The following LAMC3 variants were observed in gnomAD, a reference collection of about 807,000 sequenced individuals.
The protein encoded by LAMC3 is laminin subunit gamma 3.
In LAMC3, 128 loss-of-function variants were observed where a neutral mutation model predicts 173.8. The ratio of observed to expected loss-of-function variants is 0.74; its 90% confidence interval spans 0.64 to 0.85. The LOEUF (loss-of-function observed/expected upper bound fraction) is 0.85, where lower values mean the gene tolerates loss of function less well. Ranked by LOEUF, LAMC3 falls within the 40% of genes least tolerant of loss-of-function variation. The probability of loss-of-function intolerance (pLI) is 0.00; values close to 1 mark genes in which losing one functional copy is unlikely to be tolerated. For synonymous variants in LAMC3, 897 were observed against 909.1 expected (o/e 0.99, Z 0.24); for missense variants, 2,022 against 2,156.0 (o/e 0.94, Z 1.23).
rs1044598253 is a variant in LAMC3, at chr9:131,029,161, T to C, written c.678+2572T>C. On this transcript the variant is annotated intron_variant, in intron 2 of 27. Coordinates refer to ENST00000361069, the MANE Select transcript of LAMC3 (RefSeq NM_006059.4). The surrounding 1 kb of genome is among the most constrained non-coding windows in gnomAD (Gnocchi z 4.6). The stretch of plus-strand genomic sequence containing the variant: ...TTATCAGGAGGGACATCCAAGGATA[T>C]GGAGGTCACTCCCCTGGATCCAGGG... Among the ~76,000 whole-genome samples the C allele has an allele frequency of 1.3e-5, 2 of 152,234 alleles. No homozygotes were observed. Among genetic ancestry groups the C allele is most frequent in the Non-Finnish European group, 2.9e-5 (2 of 68,034 alleles).
rs761193970 is a variant in LAMC3 at position 131,072,757 on chromosome 9, C to G, written c.3339C>G (p.Thr1113=). 3 of 1,613,324 alleles carry G rather than the reference C, an allele frequency of 1.9e-6. No individual in the cohort carries two copies. The highest frequency in any genetic ancestry group is 2.5e-6 in the Non-Finnish European group (3 of 1,179,792). ...CAQAGSQKTC[T]QLADLEAVLE... is the part of the protein sequence containing the mutation. ...AGGCCGGATCCCAGAAGACCTGCAC[C>G]CAGCTGGCAGACCTGGAGGCAGTGC... The change falls in exon 19 of 28, where the codon ACC becomes ACG. Residue 1113 remains threonine (T), a synonymous_variant. Transcript: ENST00000361069.
At chr9:131,041,560 C>A in intron 6 of LAMC3, 77 bp from the exon 7 acceptor site, 3 of 1,289,300 alleles carry the variant, frequency 2.3e-6, no homozygotes, top group Non-Finnish European at 3.3e-6. Context: ...GCAGGGAAAG[C>A]TCCCTTCCTA....
At chr9:131,060,683 G>T (rs1480599424) in intron 12 of LAMC3, among the ~76,000 whole-genome samples, 5 of 152,094 alleles carry the variant, frequency 3.3e-5, no homozygotes, top group Non-Finnish European at 7.4e-5. Flanking sequence ...CAGCAGCGAT[G>T]AGTATGTGTG....
At chr9:131,081,019 C>T (rs1293142534) in intron 23 of LAMC3, among the ~76,000 whole-genome samples, 5 of 152,342 alleles carry the variant, frequency 3.3e-5, no homozygotes, top group African/African-American at 7.2e-5. Flanking sequence ...AGAACATTCT[C>T]ACCACCCCTA....
chr9:131,027,536 T>C (rs1833744720), intron 2 of LAMC3, among the ~76,000 whole-genome samples: 1 of 152,200 alleles, frequency 6.6e-6, no homozygotes, highest in South Asian at 2.1e-4. Context: ...TTGTCCCATG[T>C]GGTGCCACCA....
chr9:131,077,226 G>A lies in LAMC3; in HGVS notation c.3669G>A (p.Thr1223=), dbSNP rs147052118. 2.2e-5 allele frequency: 36 copies of A among 1,613,772 alleles called. No homozygotes were observed. Among genetic ancestry groups the A allele is most frequent in the African/African-American group, 1.3e-4 (10 of 74,908 alleles). Reference sequence around the variant, plus strand: ...AGGCGGCCCAGAAAGCACTGAGGACGGCTGTGGCAGAGGTGCTGCCTGAAG... The same window carrying A: ...AGGCGGCCCAGAAAGCACTGAGGACAGCTGTGGCAGAGGTGCTGCCTGAAG... ...EVQAAQKALR[T]AVAEVLPEAE... Residue 1223 remains threonine, a synonymous_variant, in exon 22 of 28, where the codon ACG becomes ACA. Coordinates refer to ENST00000361069, the MANE Select transcript of LAMC3 (RefSeq NM_006059.4).
chr9:131,068,238 A>G lies in LAMC3; in HGVS notation c.2747+7A>G. On this transcript the variant is annotated splice_region_variant and intron_variant, in intron 15 of 27. Coordinates refer to ENST00000361069, the MANE Select transcript of LAMC3 (RefSeq NM_006059.4). Reference sequence around the variant, plus strand: ...CTGGGAGGGGCTGCCGGAGGTAGGTAGGGTGAGACTGCCGGTGCCCTGGGG... The same window carrying G: ...CTGGGAGGGGCTGCCGGAGGTAGGTGGGGTGAGACTGCCGGTGCCCTGGGG... 3 of 1,607,074 alleles carry G rather than the reference A, an allele frequency of 1.9e-6. No individual in the cohort carries two copies. Among genetic ancestry groups the G allele is most frequent in the Non-Finnish European group, 2.5e-6 (3 of 1,176,548 alleles).
At chr9:131,073,513 G>T (rs1206145810) in intron 20 of LAMC3, among the ~76,000 whole-genome samples, 192 bp downstream of exon 20, 1 of 152,210 alleles carries the variant, frequency 6.6e-6, no homozygotes, top group African/African-American at 2.4e-5. Flanking sequence ...TAGGGGCAAA[G>T]CTTGGTGGAC....
chr9:131,032,187 G>A lies in LAMC3; in HGVS notation c.809+12G>A. ...TCTGTGGGCGGCAGGTAGGAGGGAG[G>A]AGGGAGGCAGGGTGGCAGGGCTCCA... On this transcript the variant is annotated intron_variant, in intron 3 of 27. Coordinates refer to ENST00000361069, the MANE Select transcript of LAMC3 (RefSeq NM_006059.4). 6.4e-7 allele frequency: 1 copy of A among 1,550,482 alleles called. No individual in the cohort carries two copies. The highest frequency in any genetic ancestry group is 8.8e-7 in the Non-Finnish European group (1 of 1,138,214).
intron 1 of LAMC3, among the ~76,000 whole-genome samples, chr9:131,015,839 G>A (rs1833510744): frequency 6.6e-6 from 1 of 151,986 alleles, no homozygotes; most frequent in African/African-American, 2.4e-5. Context: ...GTATTTTTTT[G>A]TAGTTACGGG....
Position 131,072,759 on chromosome 9 carries a change from A to G in LAMC3, c.3341A>G (p.Gln1114Arg). The change falls in exon 19 of 28, where the codon CAG becomes CGG. Residue 1114 changes from glutamine (Q) to arginine (R), a missense_variant. Gln to Arg is a conservative substitution (Grantham distance 43, BLOSUM62 1). Transcript: ENST00000361069. Reference sequence around the variant, plus strand: ...GCCGGATCCCAGAAGACCTGCACCCAGCTGGCAGACCTGGAGGCAGTGCTG... The same window carrying G: ...GCCGGATCCCAGAAGACCTGCACCCGGCTGGCAGACCTGGAGGCAGTGCTG... Reference protein sequence around the residue: ...AQAGSQKTCTQLADLEAVLES... With the variant: ...AQAGSQKTCTRLADLEAVLES... 1 of 1,613,460 alleles carries G rather than the reference A, an allele frequency of 6.2e-7. No homozygotes were observed. The highest frequency in any genetic ancestry group is 1.7e-5 in the Admixed American group (1 of 59,912).
intron 7 of LAMC3, among the ~76,000 whole-genome samples, chr9:131,044,872 G>A (rs1010423811): frequency 1.3e-4 from 20 of 152,198 alleles, no homozygotes; most frequent in Admixed American, 3.3e-4. Flanking sequence ...ATGCAACACC[G>A]TGTCCTGGAT....
chr9:131,055,571 C>T (rs1488430088), intron 11 of LAMC3, among the ~76,000 whole-genome samples: 4 of 151,556 alleles, frequency 2.6e-5, no homozygotes, highest in Non-Finnish European at 5.9e-5. Context: ...ACTACAGGCG[C>T]CCGCCACCAC....
intron 14 of LAMC3, 133 bp from the exon 15 acceptor site, chr9:131,067,945 G>C (rs1829967983): frequency 1.0e-6 from 1 of 967,338 alleles, no homozygotes; most frequent in East Asian, 2.4e-5. Flanking sequence ...TCCAGCAGTG[G>C]CGTCTGAATC....
At chr9:131,010,915 G>A (rs1223121281) in intron 1 of LAMC3, among the ~76,000 whole-genome samples, 2 of 152,166 alleles carry the variant, frequency 1.3e-5, no homozygotes, top group African/African-American at 4.8e-5. Context: ...CTCTGTGGCC[G>A]GGTAAGCGCC....
At chr9:131,027,187 A>G (rs902720812) in intron 2 of LAMC3, among the ~76,000 whole-genome samples, 1 of 152,204 alleles carries the variant, frequency 6.6e-6, no homozygotes, top group Non-Finnish European at 1.5e-5. Flanking sequence ...AGGGCTGTCA[A>G]CCCACCTGGC....
chr9:131,038,424 G>A (rs1321330365), intron 4 of LAMC3, among the ~76,000 whole-genome samples: 1 of 152,162 alleles, frequency 6.6e-6, no homozygotes, highest in Non-Finnish European at 1.5e-5. Context: ...GATTTAATGG[G>A]GGAAATGAAA....
chr9:131,076,637 A>G (rs928674), intron 21 of LAMC3, among the ~76,000 whole-genome samples: 23,648 of 152,154 alleles, frequency 0.16, 1,957 homozygotes, highest in South Asian at 0.22. Context: ...TTGTCGAGGA[A>G]GAATGGGTGG....
chr9:131,074,774 G>A lies in LAMC3; in HGVS notation c.3495-1057G>A, dbSNP rs899094905. ...TGTGACAATTTTCTCCTTTAGCTAC[G>A]CTCCAGGGACCTTAGACTTATTTTA... On this transcript the variant is annotated intron_variant, in intron 20 of 27. Transcript: ENST00000361069. Among the ~76,000 whole-genome samples, 22 of 151,168 alleles carry A rather than the reference G, an allele frequency of 1.5e-4. 2 individuals are homozygous for A. The South Asian group carries it at 3.4e-3, about 23-fold the overall frequency.
Sources: gnomAD v4.1 joint callset for allele counts (sites outside exome capture counted in the v4.1 genomes callset) on GRCh38, gnomAD v4.1.1 for gene constraint, Gnocchi (gnomAD v3.1) non-coding constraint, MANE v1.5 for transcripts, NCBI Gene and HGNC (gene_info 2026-07-23, HGNC 2026-07-21) for gene names.